Variants in SLC4A4 observed in about 807,000 individuals in gnomAD.
SLC4A4 encodes electrogenic sodium bicarbonate cotransporter 1.
SLC4A4 carries 27 observed loss-of-function variants against 111.5 expected under a neutral mutation model. The observed-to-expected ratio is 0.24, with a 90% CI of 0.18 to 0.33. SLC4A4 has a LOEUF of 0.33. SLC4A4 is among the 10% of genes least tolerant of loss of function. SLC4A4 has a pLI of 1.00. For synonymous variants in SLC4A4, 443 were observed against 463.4 expected (o/e 0.96, Z 0.57); for missense variants, 909 against 1,315.5 (o/e 0.69, Z 4.78).
chr4:71,163,053 A>C (rs1254411583), intron 2 of SLC4A4, among the ~76,000 whole-genome samples: 4 of 152,220 alleles, frequency 2.6e-5, no homozygotes, highest in Non-Finnish European at 2.9e-5. Flanking sequence ...ACTTTTTAGA[A>C]AGTGATTGGT....
At chr4:71,509,130 A>G (rs913518262) in intron 16 of SLC4A4, among the ~76,000 whole-genome samples, 5 of 152,216 alleles carry the variant, frequency 3.3e-5, no homozygotes, top group African/African-American at 1.2e-4. Flanking sequence ...TGTATGACAA[A>G]CCCACAGCCA....
intron 1 of SLC4A4, among the ~76,000 whole-genome samples, chr4:71,090,670 G>T (rs1455989657): frequency 2.6e-5 from 4 of 152,178 alleles, no homozygotes; most frequent in Admixed American, 2.0e-4. Context: ...AAAATACACG[G>T]ATGCAATTGA....
At chr4:71,114,437 C>G (rs1743192086) in intron 2 of SLC4A4, among the ~76,000 whole-genome samples, 1 of 149,982 alleles carries the variant, frequency 6.7e-6, no homozygotes, top group Non-Finnish European at 1.5e-5. Flanking sequence ...ACCTACTCAT[C>G]TGACAAAGGG....
intron 13 of SLC4A4, among the ~76,000 whole-genome samples, chr4:71,470,753 C>G (rs1410258518): frequency 2.6e-5 from 4 of 151,980 alleles, no homozygotes; most frequent in African/African-American, 9.7e-5. Flanking sequence ...CCAGGGGAGC[C>G]AATGCTCCTA....
chr4:71,117,976 G>A (rs1460269419), intron 2 of SLC4A4, among the ~76,000 whole-genome samples: 8 of 150,694 alleles, frequency 5.3e-5, no homozygotes, highest in Non-Finnish European at 7.4e-5. Context: ...TCTCAGGTTC[G>A]AGTGATTCTC....
chr4:71,456,481 G>T (rs1726279253), intron 12 of SLC4A4, among the ~76,000 whole-genome samples: 1 of 152,094 alleles, frequency 6.6e-6, no homozygotes, highest in South Asian at 2.1e-4. Flanking sequence ...TGATTGAAAG[G>T]GTATGTACTT....
chr4:71,425,236 A>C (rs934964674), intron 7 of SLC4A4, among the ~76,000 whole-genome samples: 3 of 152,130 alleles, frequency 2.0e-5, no homozygotes, highest in South Asian at 2.1e-4. Context: ...AGAGAAACAA[A>C]GGCCAAGGAA....
intron 1 of SLC4A4, among the ~76,000 whole-genome samples, chr4:71,213,202 T>A (rs1258065031): frequency 6.6e-6 from 1 of 152,240 alleles, no homozygotes; most frequent in Non-Finnish European, 1.5e-5. Flanking sequence ...TAAGACCTGA[T>A]GATAACTCAG....
intron 1 of SLC4A4, among the ~76,000 whole-genome samples, chr4:71,071,591 A>G (rs1741664738): frequency 6.6e-6 from 1 of 152,174 alleles, no homozygotes; most frequent in Admixed American, 6.5e-5. Context: ...CCCAGAGGCA[A>G]TCATTGCTAC....
chr4:71,404,463 G>A (rs1047296128), intron 7 of SLC4A4, among the ~76,000 whole-genome samples: 3 of 152,124 alleles, frequency 2.0e-5, no homozygotes, highest in South Asian at 2.1e-4. Context: ...TGTAGCTATT[G>A]CATATCTTAA....
At chr4:71,503,343 A>G (rs1731116690) in intron 16 of SLC4A4, among the ~76,000 whole-genome samples, 1 of 151,362 alleles carries the variant, frequency 6.6e-6, no homozygotes, top group Non-Finnish European at 1.5e-5. Flanking sequence ...ACTTACTCCT[A>G]TCATTTTGTT....
At chr4:71,432,767 G>A (rs1363875825) in intron 7 of SLC4A4, among the ~76,000 whole-genome samples, 1 of 151,992 alleles carries the variant, frequency 6.6e-6, no homozygotes, top group Non-Finnish European at 1.5e-5. Context: ...GGGTGATGGA[G>A]CTTAGGGATT....
chr4:71,405,096 G>A lies in SLC4A4; in HGVS notation c.807+7443G>A, dbSNP rs534824680. Among the ~76,000 whole-genome samples the A allele has an allele frequency of 5.9e-5, 9 of 151,986 alleles. No homozygotes were observed. In the South Asian group the frequency reaches 1.5e-3, roughly 25 times the overall value. On this transcript the variant is annotated intron_variant, in intron 7 of 25. Transcript: ENST00000264485. ...CTTCCAAAGTGCTGGGATTATAAGC[G>A]TAAGCCACTATGCCCCACCCATGGA...
At chr4:71,226,399 T>A (rs536268802) in intron 1 of SLC4A4, among the ~76,000 whole-genome samples, 3 of 152,348 alleles carry the variant, frequency 2.0e-5, no homozygotes, top group African/African-American at 7.2e-5. Flanking sequence ...TTATTTAGAA[T>A]CAAATATGTG....
At chr4:71,298,751 A>G (rs1054164205) in intron 3 of SLC4A4, among the ~76,000 whole-genome samples, 10 of 152,172 alleles carry the variant, frequency 6.6e-5, no homozygotes, top group African/African-American at 2.4e-4. Context: ...AGGTTCAGAT[A>G]TGGGTAGGAT....
chr4:71,457,323 T>C (rs996960324), intron 12 of SLC4A4, among the ~76,000 whole-genome samples: 1 of 152,164 alleles, frequency 6.6e-6, no homozygotes, highest in African/African-American at 2.4e-5. Context: ...CTGACATAGA[T>C]GATTGCATGA....
At chr4:71,252,828 G>A (rs10470737) in intron 2 of SLC4A4, among the ~76,000 whole-genome samples, 103,712 of 152,036 alleles carry the variant, frequency 0.68, 39,599 homozygotes, top group Non-Finnish European at 0.87. Flanking sequence ...TATGATGATC[G>A]TTGCACAACT....
chr4:71,430,050 T>C (rs894649067), intron 7 of SLC4A4, among the ~76,000 whole-genome samples: 3 of 152,180 alleles, frequency 2.0e-5, no homozygotes, highest in African/African-American at 4.8e-5. Context: ...TTGGAAAAGA[T>C]AATGTGTGAA....
chr4:71,373,750 C>A (rs1419379325), intron 6 of SLC4A4, among the ~76,000 whole-genome samples: 1 of 151,984 alleles, frequency 6.6e-6, no homozygotes, highest in African/African-American at 2.4e-5. Flanking sequence ...TTCAGTAGAC[C>A]AGTGCTGGAA....
Sources: gnomAD v4.1 joint callset for allele counts (sites outside exome capture counted in the v4.1 genomes callset) on GRCh38, gnomAD v4.1.1 for gene constraint, MANE v1.5 for transcripts, NCBI Gene and HGNC (gene_info 2026-07-23, HGNC 2026-07-21) for gene names.